Variants in ABCA1 observed in about 807,000 individuals in gnomAD.
ABCA1 encodes the protein phospholipid-transporting ATPase ABCA1.
In ABCA1, 133 loss-of-function variants were observed where a neutral mutation model predicts 262.5. The ratio of observed to expected loss-of-function variants is 0.51; its 90% CI spans 0.44 to 0.59. The LOEUF is 0.59. ABCA1 is among the 20% of genes least tolerant of loss of function. The pLI is 0.00. For missense variants in ABCA1, 2,452 were observed against 2,777.5 expected, an observed-to-expected ratio of 0.88 and a Z score of 2.63; for synonymous variants, 1,022 against 1,043.5, an observed-to-expected ratio of 0.98 and a Z score of 0.40.
chr9:104,819,517 A>C (rs1450616759), intron 22 of ABCA1, 69 bp downstream of exon 22: 1 of 1,607,380 alleles, frequency 6.2e-7, no homozygotes, highest in South Asian at 1.1e-5. Context: ...CATGAGATAC[A>C]GCCACACTTC....
chr9:104,922,192 G>A (rs1842174666), intron 1 of ABCA1, among the ~76,000 whole-genome samples: 2 of 152,174 alleles, frequency 1.3e-5, no homozygotes, highest in South Asian at 2.1e-4. Context: ...AGAATGGAGA[G>A]TAACTGAAGG....
rs151211739 is a variant in ABCA1, at chr9:104,826,214, C to T, written c.2338-327G>A. 2.6e-4 allele frequency among the ~76,000 whole-genome samples: 39 copies of T among 152,340 alleles called. No individual in the cohort carries two copies. The East Asian group carries it at 7.3e-3, about 29-fold the overall frequency. On this transcript the variant is annotated intron_variant, in intron 16 of 49. Transcript: ENST00000374736. ...TCCCCCACACACATGCGCATACCCA[C>T]AGTCTTCTGAGGCTCCCTGCTCAGC...
At chr9:104,894,627 G>T (rs1840046022) in intron 2 of ABCA1, among the ~76,000 whole-genome samples, 1 of 152,182 alleles carries the variant, frequency 6.6e-6, no homozygotes. Flanking sequence ...GCAAATGGCA[G>T]AGCCAAGATT....
chr9:104,802,241 A>G, intron 33 of ABCA1, 82 bp from the exon 34 acceptor site: 1 of 1,249,260 alleles, frequency 8.0e-7, no homozygotes, highest in Non-Finnish European at 1.2e-6. Context: ...AGTGTGTACA[A>G]GGTTCACTGA....
intron 2 of ABCA1, among the ~76,000 whole-genome samples, chr9:104,896,471 TA>T (rs1840205982): frequency 6.6e-6 from 1 of 152,102 alleles, no homozygotes; most frequent in African/African-American, 2.4e-5. Flanking sequence ...CAACTGAACT[TA>T]AAATAGCGAT....
At chr9:104,862,749 A>C (rs1395879913) in intron 5 of ABCA1, among the ~76,000 whole-genome samples, 6 of 73,314 alleles carry the variant, frequency 8.2e-5, no homozygotes, top group Non-Finnish European at 5.7e-5. Context: ...CCCCACCCCC[A>C]CCCCCAGAGT....
rs1350081455 is a variant in ABCA1, at chr9:104,785,383, A to C, written c.6645+13T>G. 3 of 1,613,822 alleles carry C rather than the reference A, an allele frequency of 1.9e-6. No individual in the cohort carries two copies. Among genetic ancestry groups the C allele is most frequent in the South Asian group, 2.2e-5 (2 of 91,046 alleles). On this transcript the variant is annotated intron_variant, in intron 49 of 49. Coordinates refer to ENST00000374736, the MANE Select transcript of ABCA1 (RefSeq NM_005502.4). ...CCCTGAGAAGTAAATCTGTTTTGACACTCAAAGCTTACTTGGTCAAGTGTT... is the reference window on the plus strand; with the variant it reads ...CCCTGAGAAGTAAATCTGTTTTGACCCTCAAAGCTTACTTGGTCAAGTGTT...
chr9:104,846,165 C>A (rs1378104193), intron 7 of ABCA1, among the ~76,000 whole-genome samples: 1 of 151,906 alleles, frequency 6.6e-6, no homozygotes, highest in Middle Eastern at 3.4e-3. Context: ...AGATATAGGA[C>A]AATAATTCAT....
intron 17 of ABCA1, chr9:104,825,450 G>A: frequency 1.7e-6 from 1 of 596,448 alleles, no homozygotes; most frequent in Non-Finnish European, 3.0e-6. Context: ...GAAGCAATGT[G>A]TATAAAACAT....
chr9:104,859,512 T>C (rs138270611), intron 6 of ABCA1, among the ~76,000 whole-genome samples: 30 of 152,352 alleles, frequency 2.0e-4, no homozygotes, highest in Admixed American at 5.9e-4. Flanking sequence ...ACACCATTAC[T>C]AACTGCCCTG....
At chr9:104,809,399 C>G (rs1347254726) in intron 30 of ABCA1, 67 bp downstream of exon 30, 2 of 1,420,568 alleles carry the variant, frequency 1.4e-6, no homozygotes, top group East Asian at 4.6e-5. Flanking sequence ...TTGATAAATG[C>G]AGCATATTAG....
chr9:104,904,294 GC>G (rs1481541039), intron 1 of ABCA1, among the ~76,000 whole-genome samples: 1 of 152,180 alleles, frequency 6.6e-6, no homozygotes, highest in African/African-American at 2.4e-5. Context: ...CATCGGCCAG[GC>G]GTGGTGGCTC....
rs773178202 is a variant in ABCA1 at position 104,792,888 on chromosome 9, T to C, written c.5655A>G (p.Leu1885=). ...CTTCATCTTCATCATTCAGAGGAGATAGCTTTGCATTTACAGGTCTTGGGG... is the reference window on the plus strand; with the variant it reads ...CTTCATCTTCATCATTCAGAGGAGACAGCTTTGCATTTACAGGTCTTGGGG... ...FIRPRPVNAK[L]SPLNDEDEDV... Residue 1885 remains leucine (L), a synonymous_variant, in exon 42 of 50, where the codon CTA becomes CTG. Transcript: ENST00000374736. The C allele has an allele frequency of 4.0e-5, 65 of 1,614,046 alleles. No individual in the cohort carries two copies. The African/African-American group carries it at 4.1e-4, about 10-fold the overall frequency.
At chr9:104,812,530 CCACCCATGAAGCCAGAGTCT>C in intron 28 of ABCA1, 24 bp downstream of exon 28, 1 of 1,613,238 alleles carries the variant, frequency 6.2e-7, no homozygotes, top group African/African-American at 1.3e-5. Context: ...AGCCTGCAGC[CCACCCATGAAGCCAGAGTCT>C]CTGGCGAAAA....
intron 41 of ABCA1, 90 bp from the exon 42 acceptor site, chr9:104,792,996 G>T: frequency 6.2e-7 from 1 of 1,601,542 alleles, no homozygotes; most frequent in Admixed American, 1.7e-5. Context: ...AAACCTACTT[G>T]CCACAGTCTC....
chr9:104,825,941 T>C (rs780941285), intron 16 of ABCA1, 54 bp from the exon 17 acceptor site: 2 of 1,581,886 alleles, frequency 1.3e-6, no homozygotes, highest in East Asian at 2.2e-5. Flanking sequence ...CTCATTTTTC[T>C]ATCTCTTCTA....
chr9:104,825,999 A>G, intron 16 of ABCA1, 112 bp from the exon 17 acceptor site: 1 of 1,065,642 alleles, frequency 9.4e-7, no homozygotes, highest in Non-Finnish European at 1.4e-6. Flanking sequence ...TGGATCAATC[A>G]TAAGGTGCAG....
chr9:104,812,776 G>A, intron 27 of ABCA1, 54 bp from the exon 28 acceptor site: 1 of 1,608,172 alleles, frequency 6.2e-7, no homozygotes, highest in South Asian at 1.1e-5. Context: ...TTTCGGCATT[G>A]CCATGCTCCT....
intron 5 of ABCA1, among the ~76,000 whole-genome samples, chr9:104,868,836 C>G: frequency 6.6e-6 from 1 of 152,106 alleles, no homozygotes; most frequent in Non-Finnish European, 1.5e-5. Flanking sequence ...CCTCTGGGAC[C>G]CAGGTCCAGG....
Sources: gnomAD v4.1 joint callset for allele counts (sites outside exome capture counted in the v4.1 genomes callset) on GRCh38, gnomAD v4.1.1 for gene constraint, MANE v1.5 for transcripts, NCBI Gene and HGNC (gene_info 2026-07-23, HGNC 2026-07-21) for gene names.